Variants in ASCC2 observed in about 807,000 individuals in gnomAD.
ASCC2 encodes the protein ASC-1 complex subunit P100.
ASCC2 carries 42 observed loss-of-function variants against 93.5 expected under a neutral mutation model. That is an observed-to-expected ratio of 0.45 (90% CI 0.35 to 0.58). ASCC2 has a LOEUF of 0.58. Ranked by LOEUF, ASCC2 falls within the 20% of genes least tolerant of loss-of-function variation. ASCC2 has a pLI of 0.00. For missense variants in ASCC2, 859 were observed against 977.6 expected, an observed-to-expected ratio of 0.88 and a Z score of 1.62; for synonymous variants, 364 against 384.2, an observed-to-expected ratio of 0.95 and a Z score of 0.62.
rs2062154809 is a variant in ASCC2, at chr22:29,825,302, C to T, written c.241-45G>A. 2.0e-6 allele frequency: 3 copies of T among 1,502,208 alleles called. No homozygotes were observed. Among genetic ancestry groups the T allele is most frequent in the Non-Finnish European group, 2.7e-6 (3 of 1,124,574 alleles). The allele number at this position is 1,502,208 out of a possible 1,614,324, so 93.1% of individuals were successfully genotyped here. A position where few individuals can be genotyped will look rare whatever the true frequency, so the allele number is the denominator to read the frequency against. Reference sequence around the variant, plus strand: ...AGAGCGAGGATTTATCCCTTAGGCCCCAGGGGCTTGTGGGTGGACTGTGCA... The same window carrying T: ...AGAGCGAGGATTTATCCCTTAGGCCTCAGGGGCTTGTGGGTGGACTGTGCA... On this transcript the variant is annotated intron_variant, in intron 3 of 19. Coordinates refer to ENST00000307790, the MANE Select transcript of ASCC2 (RefSeq NM_032204.5). The surrounding 1 kb of genome is among the most constrained non-coding windows in gnomAD (Gnocchi z 4.9).
chr22:29,810,879 T>C (rs1214091221), intron 8 of ASCC2, among the ~76,000 whole-genome samples: 2 of 152,138 alleles, frequency 1.3e-5, no homozygotes, highest in South Asian at 2.1e-4. Flanking sequence ...TACAGGTGCG[T>C]GCCACCACAT....
chr22:29,793,507 A>G lies in ASCC2; in HGVS notation c.1789-17T>C. ...CAGTGGCACCTGCAATGGCATAAGC[A>G]TGGGTCTGGGGGGCTCAGGGGCTGG... On this transcript the variant is annotated splice_polypyrimidine_tract_variant and intron_variant, in intron 16 of 19. Coordinates refer to ENST00000307790, the MANE Select transcript of ASCC2 (RefSeq NM_032204.5). The G allele has an allele frequency of 6.2e-7, 1 of 1,614,126 alleles. No individual in the cohort carries two copies. The highest frequency in any genetic ancestry group is 8.5e-7 in the Non-Finnish European group (1 of 1,180,034).
chr22:29,817,417 C>G (rs1313346203), intron 5 of ASCC2, among the ~76,000 whole-genome samples: 1 of 152,152 alleles, frequency 6.6e-6, no homozygotes, highest in Non-Finnish European at 1.5e-5. Flanking sequence ...TCCCCCTTCC[C>G]TACACTACAC....
Position 29,825,575 on chromosome 22 carries a change from G to A in ASCC2, c.240+47C>T. The stretch of plus-strand genomic sequence containing the variant: ...AAAACAACAACAGCAACCAACCAAT[G>A]GCATGTCATGTGCTTTGTCTTAGCG... On this transcript the variant is annotated intron_variant, in intron 3 of 19. Coordinates refer to ENST00000307790, the MANE Select transcript of ASCC2 (RefSeq NM_032204.5). This position sits in a 1 kb window ranked among gnomAD's most constrained non-coding sequence, Gnocchi z 4.9. 1 of 1,612,780 alleles carries A rather than the reference G, an allele frequency of 6.2e-7. No homozygotes were observed.
intron 1 of ASCC2, among the ~76,000 whole-genome samples, chr22:29,835,708 A>G (rs1232147119): frequency 6.6e-6 from 1 of 152,166 alleles, no homozygotes; most frequent in Non-Finnish European, 1.5e-5. Context: ...GGCACATAAT[A>G]AGCACTCAAT....
intron 9 of ASCC2, among the ~76,000 whole-genome samples, chr22:29,807,235 C>CAAAAAAA (rs553545816): frequency 2.2e-5 from 1 of 46,466 alleles, no homozygotes; most frequent in Non-Finnish European, 4.5e-5. Context: ...GACCCTGTCT[C>CAAAAAAA]AAAAAAAAAA....
chr22:29,827,620 G>C, intron 2 of ASCC2: 1 of 470,498 alleles, frequency 2.1e-6, no homozygotes, highest in Admixed American at 2.4e-5. Flanking sequence ...AAGAAATTCT[G>C]CTGGCTGAAA....
chr22:29,830,089 A>G (rs913487035), intron 2 of ASCC2, among the ~76,000 whole-genome samples: 1 of 152,078 alleles, frequency 6.6e-6, no homozygotes, highest in African/African-American at 2.4e-5. Context: ...CCCTCAACTC[A>G]TCTGCCTTCC....
At chr22:29,810,302 C>A (rs36576) in intron 8 of ASCC2, 64,610 of 152,088 alleles carry the variant, frequency 0.42, 14,203 homozygotes, top group East Asian at 0.59. Context: ...TGGTATAATT[C>A]TTCCCCCAAA....
At chr22:29,828,948 G>A (rs1156639806) in intron 2 of ASCC2, among the ~76,000 whole-genome samples, 8 of 152,160 alleles carry the variant, frequency 5.3e-5, no homozygotes, top group Admixed American at 2.6e-4. Context: ...GCCAAGTCAG[G>A]CCCATCACTT....
intron 13 of ASCC2, among the ~76,000 whole-genome samples, chr22:29,803,849 G>A (rs2059376890): frequency 6.6e-6 from 1 of 152,206 alleles, no homozygotes; most frequent in Non-Finnish European, 1.5e-5. Flanking sequence ...GTCTGGGCTG[G>A]GAGGAAGGAC....
At chr22:29,801,808 G>C (rs114421907) in intron 14 of ASCC2, among the ~76,000 whole-genome samples, 186 bp downstream of exon 14, 1,554 of 152,038 alleles carry the variant, frequency 0.01, 25 homozygotes, top group African/African-American at 0.036. Context: ...GCCCTGCCTG[G>C]GGCAAGTGAA....
intron 2 of ASCC2, among the ~76,000 whole-genome samples, chr22:29,831,408 T>C (rs887406961): frequency 1.3e-5 from 2 of 152,200 alleles, no homozygotes; most frequent in Non-Finnish European, 2.9e-5. Context: ...GGCTGTGATG[T>C]GGACTAAATG....
chr22:29,808,321 C>G, intron 8 of ASCC2, 136 bp from the exon 9 acceptor site: 1 of 853,996 alleles, frequency 1.2e-6, no homozygotes, highest in South Asian at 1.7e-5. Flanking sequence ...CCCCTTGGTT[C>G]TTCCCTGAGC....
intron 13 of ASCC2, among the ~76,000 whole-genome samples, chr22:29,802,927 C>A (rs779842249): frequency 1.3e-5 from 2 of 149,226 alleles, no homozygotes; most frequent in African/African-American, 2.5e-5. Context: ...CAGAGCAAGA[C>A]CCTGTCTCAA....
chr22:29,814,949 T>C lies in ASCC2; in HGVS notation c.610-182A>G, dbSNP rs116316151. Among the ~76,000 whole-genome samples, 1,161 of 152,292 alleles carry C rather than the reference T, an allele frequency of 7.6e-3. 12 individuals are homozygous for C. Among genetic ancestry groups the C allele is most frequent in the African/African-American group, 0.027 (1,119 of 41,562 alleles). On this transcript the variant is annotated intron_variant, in intron 6 of 19. Transcript: ENST00000307790. ...GAGTGAGGTCAGAGTAAAAACTATG[T>C]AAGATGGGGATGATGGGAGCATCCT...
At chr22:29,791,333 C>T (rs1234661106) in intron 18 of ASCC2, among the ~76,000 whole-genome samples, 3 of 152,052 alleles carry the variant, frequency 2.0e-5, no homozygotes, top group African/African-American at 7.2e-5. Context: ...GCCATGACTG[C>T]ACCACTGCAC....
At chr22:29,827,807 T>TTTC (rs1555880353) in intron 2 of ASCC2, among the ~76,000 whole-genome samples, 1 of 93,990 alleles carries the variant, frequency 1.1e-5, no homozygotes, top group African/African-American at 3.9e-5. Flanking sequence ...GGCTACTCAT[T>TTTC]CTGACACACA....
chr22:29,821,261 A>G (rs1341030602), intron 5 of ASCC2, among the ~76,000 whole-genome samples: 1 of 152,136 alleles, frequency 6.6e-6, no homozygotes, highest in Non-Finnish European at 1.5e-5. Flanking sequence ...TCCAACGGCT[A>G]ATGTCCGTTC....
Sources: gnomAD v4.1 joint callset for allele counts (sites outside exome capture counted in the v4.1 genomes callset) on GRCh38, gnomAD v4.1.1 for gene constraint, Gnocchi (gnomAD v3.1) non-coding constraint, MANE v1.5 for transcripts, NCBI Gene and HGNC (gene_info 2026-07-23, HGNC 2026-07-21) for gene names.